FAM24B: variants seen among roughly 807,000 people sequenced by gnomAD.
FAM24B encodes the protein family with sequence similarity 24 member B, also known as protein FAM24B.
In FAM24B, 3 loss-of-function variants were observed where a neutral mutation model predicts 2.3. That is an observed-to-expected ratio of 1.29 (90% confidence interval 0.59 to 3.32). FAM24B has a LOEUF of 3.32. FAM24B is among the 30% of genes most tolerant of loss of function. FAM24B has a pLI of 0.03. For missense variants in FAM24B, 98 were observed against 117.2 expected (o/e 0.84, Z 0.76); for synonymous variants, 36 against 46.3 (o/e 0.78, Z 0.90).
At chr10:122,873,505 G>A (rs1465031065) in intron 1 of FAM24B, among the ~76,000 whole-genome samples, 1 of 152,206 alleles carries the variant, frequency 6.6e-6, no homozygotes, top group Non-Finnish European at 1.5e-5. Context: ...CTCGGATGGT[G>A]ATGTACAAGG....
intron 1 of FAM24B, among the ~76,000 whole-genome samples, chr10:122,862,184 A>G (rs1307724523): frequency 6.6e-6 from 1 of 152,176 alleles, no homozygotes; most frequent in African/African-American, 2.4e-5. Flanking sequence ...CCCCTTCTCA[A>G]AATGGCATTC....
chr10:122,852,369 C>T (rs780300156), intron 2 of FAM24B, among the ~76,000 whole-genome samples: 54 of 152,050 alleles, frequency 3.6e-4, no homozygotes, highest in Non-Finnish European at 5.9e-4. Context: ...TAGGGACTAG[C>T]GGAATATTTA....
At chr10:122,877,634 T>C (rs1326935427) in intron 1 of FAM24B, among the ~76,000 whole-genome samples, 2 of 152,204 alleles carry the variant, frequency 1.3e-5, no homozygotes, top group Non-Finnish European at 2.9e-5. Context: ...CCTCTCCTCC[T>C]GCCAGCCTGA....
intron 1 of FAM24B, among the ~76,000 whole-genome samples, chr10:122,875,981 C>A (rs1847971337): frequency 1.3e-5 from 2 of 152,216 alleles, no homozygotes; most frequent in African/African-American, 4.8e-5. Context: ...CGCCACTGAG[C>A]ATGCAGACAG....
chr10:122,849,566 T>A (rs947126343), intron 3 of FAM24B, 127 bp from the exon 4 acceptor site: 7 of 745,044 alleles, frequency 9.4e-6, no homozygotes, highest in Non-Finnish European at 1.5e-5. Flanking sequence ...CAGCCCTACA[T>A]TAAAGCTCTC....
intron 2 of FAM24B, among the ~76,000 whole-genome samples, chr10:122,855,025 G>A (rs975874799): frequency 2.6e-5 from 4 of 152,000 alleles, no homozygotes; most frequent in Non-Finnish European, 4.4e-5. Context: ...CTTCTGCTCC[G>A]CTCCCGGGAA....
rs139603384 is a variant in FAM24B at position 122,865,051 on chromosome 10, T to C, written c.-177-9265A>G. On this transcript the variant is annotated intron_variant, in intron 1 of 3. Coordinates refer to ENST00000368898, the MANE Select transcript of FAM24B (RefSeq NM_152644.3). Reference sequence around the variant, plus strand: ...TCATATGCAGGTTTTTGTGTACCCATAGATTTTCAGCTCAGCTGGATAAAT... The same window carrying C: ...TCATATGCAGGTTTTTGTGTACCCACAGATTTTCAGCTCAGCTGGATAAAT... Among the ~76,000 whole-genome samples the C allele has an allele frequency of 2.4e-3, 368 of 152,322 alleles. 2 individuals are homozygous for C. Among genetic ancestry groups the C allele is most frequent in the African/African-American group, 7.7e-3 (319 of 41,582 alleles).
chr10:122,871,517 C>T lies in FAM24B; in HGVS notation c.-178+7968G>A, dbSNP rs113941390. Among the ~76,000 whole-genome samples the T allele has an allele frequency of 7.1e-3, 1,075 of 151,336 alleles. 15 individuals carry two copies. The highest frequency in any genetic ancestry group is 0.055 in the East Asian group (282 of 5,140). On this transcript the variant is annotated intron_variant, in intron 1 of 3. Transcript: ENST00000368898. Reference sequence around the variant, plus strand: ...CAAAAGAACAAAGCTGGAGGCATCACGCTACCTGACTTCAAACTATACTAC... The same window carrying T: ...CAAAAGAACAAAGCTGGAGGCATCATGCTACCTGACTTCAAACTATACTAC...
chr10:122,876,597 T>C (rs1847980197), intron 1 of FAM24B, among the ~76,000 whole-genome samples: 1 of 152,228 alleles, frequency 6.6e-6, no homozygotes, highest in Admixed American at 6.5e-5. Flanking sequence ...AAGTCATCAA[T>C]GACCATTTTA....
chr10:122,872,703 G>T (rs1207702989), intron 1 of FAM24B, among the ~76,000 whole-genome samples: 1 of 151,830 alleles, frequency 6.6e-6, no homozygotes, highest in Non-Finnish European at 1.5e-5. Flanking sequence ...ACCAAACACC[G>T]CATGTTCTCA....
intron 2 of FAM24B, among the ~76,000 whole-genome samples, chr10:122,852,633 A>G (rs977378979): frequency 1.3e-5 from 2 of 152,164 alleles, no homozygotes; most frequent in African/African-American, 4.8e-5. Flanking sequence ...CCCATTATCT[A>G]TTGAGTCAGA....
intron 2 of FAM24B, among the ~76,000 whole-genome samples, chr10:122,852,027 G>A (rs1435991295): frequency 6.6e-6 from 1 of 152,166 alleles, no homozygotes; most frequent in Non-Finnish European, 1.5e-5. Flanking sequence ...CTTGAAGATA[G>A]TTGAGATTAT....
chr10:122,851,333 C>T (rs537140328), intron 2 of FAM24B, among the ~76,000 whole-genome samples: 4 of 152,270 alleles, frequency 2.6e-5, no homozygotes, highest in Admixed American at 6.5e-5. Flanking sequence ...TTTCTCAAAC[C>T]TTTAATTTGA....
At chr10:122,856,610 C>T (rs1290495671) in intron 1 of FAM24B, among the ~76,000 whole-genome samples, 1 of 152,198 alleles carries the variant, frequency 6.6e-6, no homozygotes, top group Non-Finnish European at 1.5e-5. Flanking sequence ...ATCTTTCCCA[C>T]TTCCAGTGTG....
intron 1 of FAM24B, among the ~76,000 whole-genome samples, chr10:122,872,874 C>T (rs1206357735): frequency 6.6e-6 from 1 of 152,096 alleles, no homozygotes; most frequent in African/African-American, 2.4e-5. Context: ...CAACATGGCA[C>T]ATGTATACGT....
chr10:122,860,099 T>C (rs1277619998), intron 1 of FAM24B, among the ~76,000 whole-genome samples: 1 of 152,134 alleles, frequency 6.6e-6, no homozygotes, highest in Non-Finnish European at 1.5e-5. Context: ...TAGTATGGGT[T>C]TTGACAAATG....
intron 1 of FAM24B, among the ~76,000 whole-genome samples, chr10:122,868,587 G>A (rs559844379): frequency 1.3e-3 from 193 of 152,060 alleles, no homozygotes; most frequent in African/African-American, 4.4e-3. Context: ...CTGATCTCTC[G>A]GCAGAAACTC....
At chr10:122,853,068 C>G (rs1847569695) in intron 2 of FAM24B, among the ~76,000 whole-genome samples, 1 of 152,026 alleles carries the variant, frequency 6.6e-6, no homozygotes, top group Non-Finnish European at 1.5e-5. Context: ...TACTTTGATC[C>G]CAAGGTCCCT....
chr10:122,852,329 A>C (rs926697804), intron 2 of FAM24B, among the ~76,000 whole-genome samples: 1 of 152,236 alleles, frequency 6.6e-6, no homozygotes, highest in Non-Finnish European at 1.5e-5. Flanking sequence ...GAACACTTAC[A>C]TGGTAACTGA....
Sources: gnomAD v4.1 joint callset for allele counts (sites outside exome capture counted in the v4.1 genomes callset) on GRCh38, gnomAD v4.1.1 for gene constraint, MANE v1.5 for transcripts, NCBI Gene and HGNC (gene_info 2026-07-23, HGNC 2026-07-21) for gene names.